PLCG2: variants seen among roughly 807,000 people sequenced by gnomAD.
The protein encoded by PLCG2 is 1-phosphatidylinositol 4,5-bisphosphate phosphodiesterase gamma-2.
Under a neutral mutation model 175.6 loss-of-function variants are expected in PLCG2, and 69 were observed. The observed-to-expected ratio is 0.39, with a 90% CI of 0.32 to 0.48. The LOEUF is 0.48. Ranked by LOEUF, PLCG2 falls within the 20% of genes least tolerant of loss-of-function variation. PLCG2 has a pLI of 0.91. For synonymous variants in PLCG2, 827 were observed against 624.0 expected, an observed-to-expected ratio of 1.33 and a Z score of -4.85; for missense variants, 1,798 against 1,650.9, an observed-to-expected ratio of 1.09 and a Z score of -1.54.
At chr16:81,862,340 G>C (rs1177252112) in intron 5 of PLCG2, among the ~76,000 whole-genome samples, 1 of 152,218 alleles carries the variant, frequency 6.6e-6, no homozygotes, top group Non-Finnish European at 1.5e-5. Context: ...GCGGGCATTT[G>C]TTTACAGCCT....
chr16:81,757,792 A>G (rs758728062), intron 2 of PLCG2, among the ~76,000 whole-genome samples: 8 of 151,936 alleles, frequency 5.3e-5, no homozygotes, highest in Non-Finnish European at 1.2e-4. Context: ...ACAGAAACCC[A>G]GTACCCCTTA....
chr16:81,913,364 C>G (rs575688481), intron 19 of PLCG2, among the ~76,000 whole-genome samples: 1 of 152,192 alleles, frequency 6.6e-6, no homozygotes, highest in Admixed American at 6.5e-5. Flanking sequence ...CCTTCAAGGC[C>G]TCATCTGATT....
At chr16:81,900,320 CT>C (rs1294042297) in intron 13 of PLCG2, among the ~76,000 whole-genome samples, 1 of 152,148 alleles carries the variant, frequency 6.6e-6, no homozygotes, top group Non-Finnish European at 1.5e-5. Context: ...AGATTAGAGA[CT>C]TTTTTCTGTA....
At chr16:81,751,958 G>C (rs1478699997) in intron 1 of PLCG2, among the ~76,000 whole-genome samples, 4 of 152,006 alleles carry the variant, frequency 2.6e-5, no homozygotes, top group Non-Finnish European at 5.9e-5. Flanking sequence ...GGAGGCGGAG[G>C]TTGCAGTGAG....
At chr16:81,937,646 C>G (rs1383706716) in intron 27 of PLCG2, 112 bp from the exon 28 acceptor site, 3 of 882,824 alleles carry the variant, frequency 3.4e-6, no homozygotes, top group Non-Finnish European at 5.2e-6. Flanking sequence ...GAACAGCTGC[C>G]TCACATTAAT....
intron 9 of PLCG2, among the ~76,000 whole-genome samples, chr16:81,888,517 G>GGT (rs1247161431): frequency 4.6e-5 from 7 of 152,204 alleles, no homozygotes; most frequent in African/African-American, 1.7e-4. Flanking sequence ...CTGTGCACCA[G>GGT]GTGCTGCATT....
intron 3 of PLCG2, among the ~76,000 whole-genome samples, chr16:81,856,867 G>C (rs1567500991): frequency 6.6e-6 from 1 of 152,122 alleles, no homozygotes; most frequent in Non-Finnish European, 1.5e-5. Flanking sequence ...TTAGATACCC[G>C]GGAAGGTCAT....
intron 3 of PLCG2, among the ~76,000 whole-genome samples, chr16:81,855,017 A>G (rs1055219371): frequency 6.6e-6 from 1 of 151,860 alleles, no homozygotes; most frequent in Non-Finnish European, 1.5e-5. Flanking sequence ...TGAGACCAGC[A>G]TGGCCAACAT....
intron 23 of PLCG2, among the ~76,000 whole-genome samples, chr16:81,927,595 A>C (rs1910328351): frequency 1.3e-5 from 2 of 152,292 alleles, no homozygotes; most frequent in East Asian, 1.9e-4. Context: ...GTGACTTTGC[A>C]AACCTGGTGG....
In PLCG2 at chr16:81,909,955, A is replaced by T. The variant is rs138683716; in HGVS notation, c.1734-565A>T. 1.0e-4 allele frequency among the ~76,000 whole-genome samples: 15 copies of T among 147,070 alleles called. No individual in the cohort carries two copies. In the East Asian group the frequency reaches 3.4e-3, roughly 33 times the overall value. ...TCATATGTGGCAGAGCTGGGATTTG[A>T]ATCCAGGCATCCTGGCTCTAGAGAA... On this transcript the variant is annotated intron_variant, in intron 17 of 32. Coordinates refer to ENST00000564138, the MANE Select transcript of PLCG2 (RefSeq NM_002661.5).
intron 31 of PLCG2, among the ~76,000 whole-genome samples, chr16:81,952,276 T>G (rs1352515772): frequency 6.6e-6 from 1 of 152,064 alleles, no homozygotes; most frequent in Non-Finnish European, 1.5e-5. Context: ...TATATATATA[T>G]TCACACGTAG....
chr16:81,759,592 C>T (rs1180878068), intron 2 of PLCG2, among the ~76,000 whole-genome samples: 1 of 152,186 alleles, frequency 6.6e-6, no homozygotes, highest in African/African-American at 2.4e-5. Context: ...TCCAAAGTTT[C>T]TTTCTAGTCT....
intron 5 of PLCG2, among the ~76,000 whole-genome samples, chr16:81,861,064 A>G (rs938490727): frequency 6.6e-6 from 1 of 152,162 alleles, no homozygotes; most frequent in Non-Finnish European, 1.5e-5. Context: ...AACCAAAACC[A>G]AAACCAAACC....
chr16:81,944,933 T>A (rs897068288), intron 30 of PLCG2, among the ~76,000 whole-genome samples: 1 of 152,236 alleles, frequency 6.6e-6, no homozygotes, highest in Non-Finnish European at 1.5e-5. Context: ...TAATTTTTTT[T>A]AGTGTTGCTG....
intron 1 of PLCG2, chr16:81,783,135 A>T (rs1406471812): frequency 4.1e-6 from 2 of 492,166 alleles, no homozygotes; most frequent in African/African-American, 3.9e-5. Flanking sequence ...TGTCTAATTG[A>T]AGGTGTTATA....
intron 2 of PLCG2, among the ~76,000 whole-genome samples, chr16:81,806,718 G>A (rs180674297): frequency 3.3e-4 from 50 of 152,236 alleles, no homozygotes; most frequent in African/African-American, 1.1e-3. Context: ...TGGGGCTGGG[G>A]ACATGGAAGG....
chr16:81,931,424 A>C, intron 24 of PLCG2, 73 bp from the exon 25 acceptor site: 1 of 1,466,314 alleles, frequency 6.8e-7, no homozygotes, highest in South Asian at 1.2e-5. Flanking sequence ...GAAACAGCTC[A>C]GGCAGGGTGC....
chr16:81,912,057 A>G (rs1388154998), intron 18 of PLCG2, among the ~76,000 whole-genome samples: 1 of 151,944 alleles, frequency 6.6e-6, no homozygotes, highest in Non-Finnish European at 1.5e-5. Context: ...TCAACCTCCC[A>G]AAGTGCTGGG....
rs765899465 is a variant in PLCG2, at chr16:81,870,841, C to A, written c.565-11C>A. On this transcript the variant is annotated splice_polypyrimidine_tract_variant and intron_variant, in intron 6 of 32. Transcript: ENST00000564138. ...TCAAAAATCATGTGGTCACTTTTTT[C>A]ATATTTACAGGAAATAGGAGCACAC... 2 of 1,520,000 alleles carry A rather than the reference C, an allele frequency of 1.3e-6. No individual in the cohort carries two copies. Among genetic ancestry groups the A allele is most frequent in the Admixed American group, 1.9e-5 (1 of 52,970 alleles). 94.2% of individuals were successfully genotyped at this position (1,520,000 alleles called of 1,614,324 possible). A position where few individuals can be genotyped will look rare whatever the true frequency, so the allele number is the denominator to read the frequency against.
Sources: allele counts gnomAD v4.1 joint callset (sites outside exome capture counted in the v4.1 genomes callset), GRCh38; gene constraint gnomAD v4.1.1; transcripts MANE v1.5; gene names NCBI Gene and HGNC (gene_info 2026-07-23, HGNC 2026-07-21).